MID2: variants seen among roughly 807,000 people sequenced by gnomAD.
The protein encoded by MID2 is probable E3 ubiquitin-protein ligase MID2.
In MID2, 13 loss-of-function variants were observed where a neutral mutation model predicts 46.1. That is an observed-to-expected ratio of 0.28 (90% CI 0.18 to 0.45). The LOEUF (loss-of-function observed/expected upper bound fraction) is 0.45. Among genes scored for constraint, MID2 ranks in the 20% least tolerant of loss-of-function variants. MID2 has a pLI of 1.00. For missense variants in MID2, 431 were observed against 575.4 expected (o/e 0.75, Z 2.57); for synonymous variants, 199 against 212.3 (o/e 0.94, Z 0.55).
chrX:107,848,672 TACA>T (rs767850473), intron 2 of MID2, among the ~76,000 whole-genome samples: 1 of 111,807 alleles, frequency 8.9e-6, no homozygotes, highest in Non-Finnish European at 1.9e-5. Context: ...CCTGTGTCTA[TACA>T]ACAGCAAATA....
chrX:107,873,952 T>G (rs1932135004), intron 3 of MID2, among the ~76,000 whole-genome samples: 1 of 112,320 alleles, frequency 8.9e-6, no homozygotes, highest in Admixed American at 9.4e-5. Flanking sequence ...TTCCTTTGCT[T>G]AATTTGAGTG....
chrX:107,846,653 A>C (rs1057478293), intron 2 of MID2, among the ~76,000 whole-genome samples: 2 of 111,811 alleles, frequency 1.8e-5, no homozygotes, highest in African/African-American at 6.5e-5. Context: ...TTTCTCTGCA[A>C]GACTTATATT....
At chrX:107,917,094 T>C (rs1434331940) in intron 6 of MID2, among the ~76,000 whole-genome samples, 1 of 111,859 alleles carries the variant, frequency 8.9e-6, no homozygotes, top group Non-Finnish European at 1.9e-5. Context: ...TGAGCCGAGA[T>C]TGCGCCACTG....
intron 3 of MID2, among the ~76,000 whole-genome samples, chrX:107,868,281 T>C (rs1931998243): frequency 8.9e-6 from 1 of 111,970 alleles, no homozygotes; most frequent in South Asian, 3.7e-4. Context: ...GGAGTTGGAA[T>C]GATCAGCAGG....
intron 3 of MID2, among the ~76,000 whole-genome samples, chrX:107,883,847 T>C (rs1047346121): frequency 1.2e-4 from 13 of 112,367 alleles, no homozygotes; most frequent in African/African-American, 3.9e-4. Flanking sequence ...TATTAGAAAA[T>C]ATATTTGGAA....
intron 3 of MID2, among the ~76,000 whole-genome samples, chrX:107,884,368 T>C (rs1278875776): frequency 8.9e-6 from 1 of 112,678 alleles, no homozygotes; most frequent in Non-Finnish European, 1.9e-5. Context: ...TTCCAGGTAG[T>C]GTGCTAAGAC....
At chrX:107,856,731 C>T (rs969281080) in intron 3 of MID2, among the ~76,000 whole-genome samples, 9 of 112,346 alleles carry the variant, frequency 8.0e-5, no homozygotes, top group African/African-American at 2.9e-4. Flanking sequence ...TTTTAGGTAA[C>T]AAGCAGTGTT....
At chrX:107,832,973 C>T (rs1465452195) in intron 1 of MID2, among the ~76,000 whole-genome samples, 5 of 111,603 alleles carry the variant, frequency 4.5e-5, no homozygotes, top group Non-Finnish European at 7.5e-5. Context: ...ACTCTTCTCC[C>T]CTTTAGTTGT....
Position 107,826,687 on chromosome X carries a change from G to C in MID2, c.4+257G>C, listed in dbSNP as rs921883798. On this transcript the variant is annotated intron_variant, in intron 1 of 9. Transcript: ENST00000262843. ...CCTCCTGGGACGGAGTTTGCACTCC[G>C]GGGTGCGGGGCGGGGGCGGCCGAGG... Among the ~76,000 whole-genome samples the C allele has an allele frequency of 1.5e-3, 174 of 113,172 alleles. 1 individual carries two copies. The highest frequency in any genetic ancestry group is 2.7e-3 in the Non-Finnish European group (144 of 53,183).
rs753993720 is a variant in MID2, at chrX:107,924,473, G to A, written c.1566G>A (p.Arg522=). Residue 522 remains arginine (R), a synonymous_variant, in exon 8 of 10, where the codon CGG becomes CGA. Coordinates refer to ENST00000262843, the MANE Select transcript of MID2 (RefSeq NM_012216.4). ...AAGCCATAAACCAAGCCGGCAGCCGGAACAGTGAACCTACCCGACTAAAAA... is the reference window on the plus strand; with the variant it reads ...AAGCCATAAACCAAGCCGGCAGCCGAAACAGTGAACCTACCCGACTAAAAA... ...IVKAINQAGS[R]NSEPTRLKTN... The A allele has an allele frequency of 3.3e-6, 4 of 1,211,580 alleles. No individual in the cohort carries two copies. The highest frequency in any genetic ancestry group is 4.5e-6 in the Non-Finnish European group (4 of 895,324).
intron 2 of MID2, among the ~76,000 whole-genome samples, chrX:107,853,733 C>CT (rs981104138): frequency 2.7e-5 from 3 of 111,186 alleles, no homozygotes; most frequent in African/African-American, 9.8e-5. Flanking sequence ...TCAAAATACT[C>CT]TTTTTTTCCT....
intron 2 of MID2, among the ~76,000 whole-genome samples, chrX:107,851,007 T>C (rs377036701): frequency 8.9e-6 from 1 of 112,432 alleles, no homozygotes; most frequent in African/African-American, 3.2e-5. Flanking sequence ...TGTATTTGCT[T>C]GGCGTTCATC....
At chrX:107,886,063 T>G (rs1315320355) in intron 3 of MID2, among the ~76,000 whole-genome samples, 1 of 111,954 alleles carries the variant, frequency 8.9e-6, no homozygotes, top group Non-Finnish European at 1.9e-5. Context: ...TTTCTCCCAT[T>G]CTGTAGGTGG....
At chrX:107,902,436 G>C (rs758444166) in intron 3 of MID2, among the ~76,000 whole-genome samples, 1 of 111,453 alleles carries the variant, frequency 9.0e-6, no homozygotes, top group South Asian at 3.8e-4. Context: ...GTGAGCTGGT[G>C]AGATATCTGC....
chrX:107,878,371 T>G (rs1182842332), intron 3 of MID2, among the ~76,000 whole-genome samples: 2 of 91,965 alleles, frequency 2.2e-5, no homozygotes, highest in South Asian at 6.2e-4. Flanking sequence ...TCTGCAGCTG[T>G]TGGGGTGGGG....
At chrX:107,830,629 A>G (rs1931070702) in intron 1 of MID2, among the ~76,000 whole-genome samples, 1 of 112,068 alleles carries the variant, frequency 8.9e-6, no homozygotes, top group Admixed American at 9.4e-5. Context: ...TGTTGCACTA[A>G]CATCTGTACT....
chrX:107,925,549 G>A (rs1343607317), intron 8 of MID2, among the ~76,000 whole-genome samples: 3 of 111,655 alleles, frequency 2.7e-5, no homozygotes, highest in Non-Finnish European at 5.6e-5. Context: ...ATTGTAAGAG[G>A]GCAAAAATAA....
At chrX:107,880,213 T>C (rs1225499714) in intron 3 of MID2, among the ~76,000 whole-genome samples, 2 of 110,494 alleles carry the variant, frequency 1.8e-5, no homozygotes, top group East Asian at 2.9e-4. Context: ...CTCAACTCAC[T>C]GCAACCTTGA....
intron 9 of MID2, 132 bp from the exon 10 acceptor site, chrX:107,926,539 C>G (rs111684774): frequency 7.5e-6 from 5 of 664,335 alleles, no homozygotes; most frequent in Non-Finnish European, 1.1e-5. Flanking sequence ...GTGATATCAG[C>G]ATTATGCATC....
Sources: allele counts gnomAD v4.1 joint callset (sites outside exome capture counted in the v4.1 genomes callset), GRCh38; gene constraint gnomAD v4.1.1; transcripts MANE v1.5; gene names NCBI Gene and HGNC (gene_info 2026-07-23, HGNC 2026-07-21).